The following OXR1 variants were observed in gnomAD, a reference collection of about 807,000 sequenced individuals.
OXR1 encodes the protein oxidation resistance 1.
OXR1 carries 41 observed loss-of-function variants against 104.6 expected under a neutral mutation model. The observed-to-expected ratio is 0.39, with a 90% CI of 0.31 to 0.51. The LOEUF (loss-of-function observed/expected upper bound fraction) is 0.51. Among genes scored for constraint, OXR1 ranks in the 20% least tolerant of loss-of-function variants. The pLI is 0.77. For missense variants in OXR1, 955 were observed against 1,031.9 expected, an observed-to-expected ratio of 0.93 and a Z score of 1.02; for synonymous variants, 348 against 348.4, an observed-to-expected ratio of 1.00 and a Z score of 0.01.
chr8:106,737,902 T>C (rs1375223448), intron 12 of OXR1, among the ~76,000 whole-genome samples: 1 of 152,154 alleles, frequency 6.6e-6, no homozygotes, highest in East Asian at 1.9e-4. Flanking sequence ...TGGTGTTGGT[T>C]TTGAGATTGA....
intron 2 of OXR1, among the ~76,000 whole-genome samples, chr8:106,441,223 G>A (rs1180887529): frequency 6.6e-6 from 1 of 152,064 alleles, no homozygotes; most frequent in Non-Finnish European, 1.5e-5. Context: ...TCAGATGGTT[G>A]TAGATGTATG....
chr8:106,463,437 A>G lies in OXR1; in HGVS notation c.24-55506A>G, dbSNP rs570864251. ...AGAAGAGTTCTTAGACATGTTTTTC[A>G]TAATCTCCCCTTAATAAAATGTTAA... On this transcript the variant is annotated intron_variant, in intron 2 of 16. Coordinates refer to ENST00000517566, the MANE Select transcript of OXR1 (RefSeq NM_001198533.2). 1.3e-4 allele frequency among the ~76,000 whole-genome samples: 20 copies of G among 152,234 alleles called. No individual in the cohort carries two copies. In the South Asian group the frequency reaches 4.1e-3, roughly 32 times the overall value.
chr8:106,559,168 C>T (rs149626806), intron 3 of OXR1, among the ~76,000 whole-genome samples: 94 of 152,312 alleles, frequency 6.2e-4, no homozygotes, highest in African/African-American at 1.9e-3. Context: ...CACTGGGACA[C>T]GAACACAATT....
At position 106,402,364 on chromosome 8, in the gene OXR1, T is replaced by C. The variant is rs574613104; in HGVS notation, c.23+42728T>C. Among the ~76,000 whole-genome samples, 5 of 152,312 alleles carry C rather than the reference T, an allele frequency of 3.3e-5. No homozygotes were observed. The South Asian group carries it at 1.0e-3, about 32-fold the overall frequency. On this transcript the variant is annotated intron_variant, in intron 2 of 16. Transcript: ENST00000517566. ...TACAGACAGTTCTAGTGGCTTCCACTTGGTCTTTTGCCATAATGATCCTGA... is the reference window on the plus strand; with the variant it reads ...TACAGACAGTTCTAGTGGCTTCCACCTGGTCTTTTGCCATAATGATCCTGA...
At chr8:106,353,839 A>G (rs1217414278) in intron 1 of OXR1, among the ~76,000 whole-genome samples, 1 of 151,456 alleles carries the variant, frequency 6.6e-6, no homozygotes, top group Non-Finnish European at 1.5e-5. Context: ...GATCTCCTGA[A>G]CTTATTCCTC....
At chr8:106,588,339 C>T (rs1417737963) in intron 3 of OXR1, among the ~76,000 whole-genome samples, 2 of 151,836 alleles carry the variant, frequency 1.3e-5, no homozygotes, top group East Asian at 3.9e-4. Flanking sequence ...GACTCCTAAC[C>T]TATTTTGAGT....
intron 1 of OXR1, among the ~76,000 whole-genome samples, chr8:106,293,753 C>A (rs1422909117): frequency 6.6e-6 from 1 of 152,088 alleles, no homozygotes; most frequent in Admixed American, 6.6e-5. Context: ...CCTTACATGG[C>A]AAAAGGGCAA....
chr8:106,425,800 C>T (rs768665152), intron 2 of OXR1, among the ~76,000 whole-genome samples: 10 of 152,114 alleles, frequency 6.6e-5, no homozygotes, highest in Non-Finnish European at 1.3e-4. Context: ...GTGGAGTTGA[C>T]GCAGGTCTTT....
intron 2 of OXR1, among the ~76,000 whole-genome samples, chr8:106,468,311 GTTTAC>G (rs1462928524): frequency 6.6e-6 from 1 of 151,798 alleles, no homozygotes; most frequent in Admixed American, 6.6e-5. Flanking sequence ...CAATTTTTGA[GTTTAC>G]TTTAGTTACC....
Position 106,352,956 on chromosome 8 carries a change from C to T in OXR1, c.-138-6520C>T, listed in dbSNP as rs541409854. Among the ~76,000 whole-genome samples, 84 of 152,274 alleles carry T rather than the reference C, an allele frequency of 5.5e-4. 1 individual carries two copies. The South Asian group carries it at 7.7e-3, about 14-fold the overall frequency. On this transcript the variant is annotated intron_variant, in intron 1 of 16. Coordinates refer to ENST00000517566, the MANE Select transcript of OXR1 (RefSeq NM_001198533.2). ...CAAATTATAAAAATTCAAGGCAGAA[C>T]CCCCTCTTTTAAAATCTTGTCTCTA... is the stretch of plus-strand genomic sequence containing the variant.
In OXR1 at chr8:106,456,974, G is replaced by A. The variant is rs542308284; in HGVS notation, c.24-61969G>A. Among the ~76,000 whole-genome samples, 5 of 152,268 alleles carry A rather than the reference G, an allele frequency of 3.3e-5. No homozygotes were observed. The East Asian group carries it at 5.8e-4, about 18-fold the overall frequency. Reference sequence around the variant, plus strand: ...AATTGACCTTTAATTAAGTGGCTAAGCCATCTGAGTGGCATTATTGTTTAG... The same window carrying A: ...AATTGACCTTTAATTAAGTGGCTAAACCATCTGAGTGGCATTATTGTTTAG... On this transcript the variant is annotated intron_variant, in intron 2 of 16. Transcript: ENST00000517566.
At chr8:106,690,095 C>T (rs913630358) in intron 6 of OXR1, among the ~76,000 whole-genome samples, 11 of 150,540 alleles carry the variant, frequency 7.3e-5, no homozygotes, top group Non-Finnish European at 1.3e-4. Flanking sequence ...TGTTTTATCT[C>T]TTTTATAGAA....
chr8:106,346,546 G>T (rs1815487340), intron 1 of OXR1, among the ~76,000 whole-genome samples: 2 of 151,984 alleles, frequency 1.3e-5, no homozygotes, highest in African/African-American at 4.8e-5. Flanking sequence ...TAATAAAGTT[G>T]CTGTGAAGAA....
chr8:106,415,525 G>A (rs1395284388), intron 2 of OXR1, among the ~76,000 whole-genome samples: 2 of 151,714 alleles, frequency 1.3e-5, no homozygotes, highest in African/African-American at 4.8e-5. Context: ...GTCTGTGTGT[G>A]TACTCACCTA....
chr8:106,495,986 G>A (rs1413881008), intron 2 of OXR1, among the ~76,000 whole-genome samples: 3 of 151,838 alleles, frequency 2.0e-5, no homozygotes, highest in Admixed American at 6.6e-5. Flanking sequence ...TACTATTGTG[G>A]TTCATTATCT....
At chr8:106,551,661 G>C (rs1815813856) in intron 3 of OXR1, among the ~76,000 whole-genome samples, 1 of 151,404 alleles carries the variant, frequency 6.6e-6, no homozygotes, top group South Asian at 2.1e-4. Flanking sequence ...AGAAGGAGTG[G>C]GTATGTCTGG....
chr8:106,336,899 A>T (rs989557121), intron 1 of OXR1, among the ~76,000 whole-genome samples: 2 of 152,202 alleles, frequency 1.3e-5, no homozygotes, highest in Admixed American at 1.3e-4. Flanking sequence ...AGAGTCATTT[A>T]GATACTGAGC....
intron 1 of OXR1, among the ~76,000 whole-genome samples, chr8:106,302,301 A>C (rs1272183231): frequency 6.6e-6 from 1 of 152,160 alleles, no homozygotes; most frequent in Non-Finnish European, 1.5e-5. Context: ...ATCAATAATC[A>C]GCCGAGCGCG....
chr8:106,609,626 G>C (rs1448597911), intron 3 of OXR1, among the ~76,000 whole-genome samples: 2 of 152,064 alleles, frequency 1.3e-5, no homozygotes, highest in African/African-American at 2.4e-5. Context: ...AGTCATTATT[G>C]GGTTAATTGT....
Sources: allele counts gnomAD v4.1 joint callset (sites outside exome capture counted in the v4.1 genomes callset), GRCh38; gene constraint gnomAD v4.1.1; transcripts MANE v1.5; gene names NCBI Gene and HGNC (gene_info 2026-07-23, HGNC 2026-07-21).